S100A11: variants seen among roughly 807,000 people sequenced by gnomAD.
S100A11 encodes the protein S100 calcium binding protein A11, also known as protein S100-A11.
A neutral mutation model predicts 7.4 loss-of-function variants in S100A11; 5 were observed. The ratio of observed to expected loss-of-function variants is 0.68; its 90% CI spans 0.35 to 1.42. The LOEUF is 1.42. Among genes scored for constraint, S100A11 ranks in the 40% most tolerant of loss-of-function variants. The pLI, the probability that S100A11 is intolerant of heterozygous loss-of-function variation, is 0.04. For missense variants in S100A11, 96 were observed against 125.0 expected, an observed-to-expected ratio of 0.77 and a Z score of 1.11; for synonymous variants, 47 against 46.6, an observed-to-expected ratio of 1.01 and a Z score of -0.04.
intron 1 of S100A11, among the ~76,000 whole-genome samples, chr1:152,036,226 G>C (rs1013600094): frequency 2.6e-5 from 4 of 152,274 alleles, no homozygotes; most frequent in Admixed American, 6.5e-5. Context: ...TGGAAAATAT[G>C]AGTTCAACTG....
At chr1:152,036,785 A>AC in intron 1 of S100A11, 128 bp downstream of exon 1, 1 of 855,028 alleles carries the variant, frequency 1.2e-6, no homozygotes, top group South Asian at 1.5e-5. Context: ...CACGAGGCTG[A>AC]TTTTTCCTGC....
At position 152,036,940 on chromosome 1, in the gene S100A11, G is replaced by T; in HGVS notation, c.-25C>A. ...TGTTGGAGCTGAGCGAGGCGCGGGA[G>T]GCTGTGGCTGGGAGCGGCGCTGAGA... On this transcript the variant is annotated 5_prime_UTR_variant, in exon 1 of 3. Coordinates refer to ENST00000271638, the MANE Select transcript of S100A11 (RefSeq NM_005620.2). 6.2e-7 allele frequency: 1 copy of T among 1,613,610 alleles called. No homozygotes were observed. Among genetic ancestry groups the T allele is most frequent in the Non-Finnish European group, 8.5e-7 (1 of 1,179,796 alleles).
intron 1 of S100A11, 70 bp downstream of exon 1, chr1:152,036,843 A>C: frequency 2.2e-6 from 3 of 1,335,450 alleles, no homozygotes; most frequent in Non-Finnish European, 3.2e-6. Context: ...GTCTGCTGGG[A>C]AGTATGTGGG....
chr1:152,036,204 G>C (rs1656827113), intron 1 of S100A11, among the ~76,000 whole-genome samples: 1 of 152,188 alleles, frequency 6.6e-6, no homozygotes, highest in South Asian at 2.1e-4. Context: ...AGAGATTTTG[G>C]AGGTGGAATT....
chr1:152,036,086 T>A (rs1656825062), intron 1 of S100A11, among the ~76,000 whole-genome samples: 1 of 152,196 alleles, frequency 6.6e-6, no homozygotes, highest in African/African-American at 2.4e-5. Context: ...TTGATTTCTT[T>A]CAATCATTTA....
At chr1:152,035,129 T>C (rs896934182) in intron 1 of S100A11, among the ~76,000 whole-genome samples, 4 of 152,186 alleles carry the variant, frequency 2.6e-5, no homozygotes, top group Admixed American at 2.0e-4. Context: ...TTGCTCTAAA[T>C]TGAACTTTTC....
Position 152,032,610 on chromosome 1 carries a change from A to G in S100A11, c.*52T>C. On this transcript the variant is annotated 3_prime_UTR_variant, in exon 3 of 3. Transcript: ENST00000271638. ...ATGGGTGGGCTGTGGAGATGATGAC[A>G]GAAAGGCTGGAAGGAAAGGGGGTGG... The G allele has an allele frequency of 6.4e-7, 1 of 1,560,682 alleles. No homozygotes were observed. Among genetic ancestry groups the G allele is most frequent in the Non-Finnish European group, 8.8e-7 (1 of 1,141,496 alleles).
intron 1 of S100A11, among the ~76,000 whole-genome samples, chr1:152,035,241 T>C (rs1656809753): frequency 6.6e-6 from 1 of 152,180 alleles, no homozygotes; most frequent in South Asian, 2.1e-4. Context: ...GCCCTTCATA[T>C]CAGGCCTAAA....
chr1:152,034,452 C>T (rs1656795829), intron 1 of S100A11, among the ~76,000 whole-genome samples: 1 of 152,242 alleles, frequency 6.6e-6, no homozygotes, highest in African/African-American at 2.4e-5. Context: ...GGAATCTGGG[C>T]CTCCCAGTCC....
At chr1:152,036,373 C>G (rs1656830228) in intron 1 of S100A11, among the ~76,000 whole-genome samples, 1 of 152,188 alleles carries the variant, frequency 6.6e-6, no homozygotes, top group Non-Finnish European at 1.5e-5. Flanking sequence ...CGCGGCGCTG[C>G]GGGCGGCGAC....
At position 152,032,606 on chromosome 1, in the gene S100A11, T is replaced by G. The variant is rs916196207; in HGVS notation, c.*56A>C. The G allele has an allele frequency of 3.1e-5, 48 of 1,546,406 alleles. No homozygotes were observed. The highest frequency in any genetic ancestry group is 4.2e-5 in the Non-Finnish European group (48 of 1,130,664). ...GGGGATGGGTGGGCTGTGGAGATGATGACAGAAAGGCTGGAAGGAAAGGGG... is the reference window on the plus strand; with the variant it reads ...GGGGATGGGTGGGCTGTGGAGATGAGGACAGAAAGGCTGGAAGGAAAGGGG... On this transcript the variant is annotated 3_prime_UTR_variant, in exon 3 of 3. Coordinates refer to ENST00000271638, the MANE Select transcript of S100A11 (RefSeq NM_005620.2).
At chr1:152,036,066 T>G (rs1420361312) in intron 1 of S100A11, among the ~76,000 whole-genome samples, 4 of 152,188 alleles carry the variant, frequency 2.6e-5, no homozygotes, top group Non-Finnish European at 4.4e-5. Context: ...CAGAAAGTAT[T>G]TTTCTTCTTT....
At chr1:152,035,852 G>GA (rs1348770152) in intron 1 of S100A11, among the ~76,000 whole-genome samples, 2 of 152,086 alleles carry the variant, frequency 1.3e-5, no homozygotes, top group Non-Finnish European at 2.9e-5. Flanking sequence ...TTTGAGGAAA[G>GA]AAAAAAATAC....
intron 2 of S100A11, 143 bp from the exon 3 acceptor site, chr1:152,032,966 T>C: frequency 1.4e-6 from 1 of 719,466 alleles, no homozygotes; most frequent in South Asian, 2.1e-5. Context: ...AGAAACAGAC[T>C]AAAAGAGGTG....
intron 1 of S100A11, among the ~76,000 whole-genome samples, chr1:152,036,620 C>CCCA (rs1553189229): frequency 1.8e-4 from 27 of 152,180 alleles, no homozygotes; most frequent in African/African-American, 6.5e-4. Context: ...ACGGGTCCCC[C>CCCA]CCCCGCGCGG....
At position 152,032,695 on chromosome 1, in the gene S100A11, G is replaced by C. The variant is rs1220221567; in HGVS notation, c.285C>G (p.Phe95Leu). Residue 95 changes from phenylalanine to leucine, a missense_variant, in exon 3 of 3, where the codon TTC becomes TTG. Transcript: ENST00000271638. ...GGLAMACHDS[F>L]LKAVPSQKRT is the part of the protein sequence containing the mutation. ...GCTTCTGGGAAGGGACAGCCTTGAGGAAGGAGTCATGGCAAGCCATAGCTA... is the reference window on the plus strand; with the variant it reads ...GCTTCTGGGAAGGGACAGCCTTGAGCAAGGAGTCATGGCAAGCCATAGCTA... 6.2e-7 allele frequency: 1 copy of C among 1,613,664 alleles called. No homozygotes were observed. Among genetic ancestry groups the C allele is most frequent in the Non-Finnish European group, 8.5e-7 (1 of 1,179,724 alleles).
Position 152,036,988 on chromosome 1 carries a change from G to A in S100A11, c.-73C>T. 2 of 1,607,530 alleles carry A rather than the reference G, an allele frequency of 1.2e-6. No homozygotes were observed. The highest frequency in any genetic ancestry group is 1.7e-5 in the Admixed American group (1 of 59,494). Reference sequence around the variant, plus strand: ...AGAGCTCTGTGCGCGCGGCGTGCGGGTCTGGAGCCTCTCCTCAACCCACGC... The same window carrying A: ...AGAGCTCTGTGCGCGCGGCGTGCGGATCTGGAGCCTCTCCTCAACCCACGC... On this transcript the variant is annotated 5_prime_UTR_variant, in exon 1 of 3. Transcript: ENST00000271638.
chr1:152,032,954 G>T, intron 2 of S100A11, 131 bp from the exon 3 acceptor site: 1 of 764,760 alleles, frequency 1.3e-6, no homozygotes, highest in Non-Finnish European at 2.1e-6. Context: ...TTTGCCAGAT[G>T]CAGAAACAGA....
At position 152,033,730 on chromosome 1, in the gene S100A11, GCATACTT is replaced by G. The variant is rs1314294574; in HGVS notation, c.67_73del (p.Lys23LeufsTer16). On this transcript the variant is annotated frameshift_variant, in exon 2 of 3. Transcript: ENST00000271638. LOFTEE classifies it high-confidence loss of function. This position sits in a 1 kb window ranked among gnomAD's most constrained non-coding sequence, Gnocchi z 4.0. ...AGTGTAGTTATAACCATCCTTTCCA[GCATACTT>G]CTGGAAGACAGCAATCAGGGACTCG... 6 of 1,613,092 alleles carry G rather than the reference GCATACTT, an allele frequency of 3.7e-6. No homozygotes were observed. The highest frequency in any genetic ancestry group is 4.2e-6 in the Non-Finnish European group (5 of 1,179,080).
Sources: gnomAD v4.1 joint callset for allele counts (sites outside exome capture counted in the v4.1 genomes callset) on GRCh38, gnomAD v4.1.1 for gene constraint, Gnocchi (gnomAD v3.1) non-coding constraint, MANE v1.5 for transcripts, NCBI Gene and HGNC (gene_info 2026-07-23, HGNC 2026-07-21) for gene names.